Variants in CDH22 observed in about 807,000 individuals in gnomAD.
CDH22 encodes the protein cadherin-22.
Under a neutral mutation model 58.4 loss-of-function variants are expected in CDH22, and 30 were observed. The ratio of observed to expected loss-of-function variants is 0.51; its 90% CI spans 0.38 to 0.70. The LOEUF is 0.70. Among genes scored for constraint, CDH22 ranks in the 30% least tolerant of loss-of-function variants. The pLI, the probability that CDH22 is intolerant of heterozygous loss-of-function variation, is 0.00. For missense variants in CDH22, 1,014 were observed against 1,233.9 expected (o/e 0.82, Z 2.67); for synonymous variants, 513 against 558.2 (o/e 0.92, Z 1.14).
intron 6 of CDH22, 22 bp downstream of exon 6, chr20:46,212,973 A>C (rs767133017): frequency 6.2e-7 from 1 of 1,606,016 alleles, no homozygotes; most frequent in South Asian, 1.1e-5. Flanking sequence ...TGCCTCCCCC[A>C]TTCCTCCTGA....
rs1364607112 is a variant in CDH22 at position 46,210,191 on chromosome 20, A to C, written c.1286+116T>G. ...CTCTCCGCGCCTCCCTCCCCCACGC[A>C]GCCCCTTCCTTCGGCCCTGCCCGCC... On this transcript the variant is annotated intron_variant, in intron 7 of 11. Coordinates refer to ENST00000537909, the MANE Select transcript of CDH22 (RefSeq NM_021248.3). This position sits in a 1 kb window ranked among gnomAD's most constrained non-coding sequence, Gnocchi z 4.5. 3.6e-6 allele frequency: 4 copies of C among 1,098,198 alleles called. No homozygotes were observed. In the East Asian group the frequency reaches 1.3e-4, roughly 36 times the overall value. 68.0% of individuals were successfully genotyped at this position (1,098,198 alleles called of 1,614,324 possible).
chr20:46,290,889 TCAGAGAGC>T (rs2086598881), intron 1 of CDH22, among the ~76,000 whole-genome samples: 1 of 152,076 alleles, frequency 6.6e-6, no homozygotes. Context: ...GCATGGATAG[TCAGAGAGC>T]TGCAGAGAGA....
chr20:46,203,025 G>GCTC (rs1164214493), intron 7 of CDH22, among the ~76,000 whole-genome samples: 2 of 152,226 alleles, frequency 1.3e-5, no homozygotes, highest in African/African-American at 4.8e-5. Flanking sequence ...TGCTGCTGCT[G>GCTC]CTCCTCCTCC....
intron 3 of CDH22, among the ~76,000 whole-genome samples, chr20:46,228,102 G>A (rs886503989): frequency 4.6e-5 from 7 of 152,188 alleles, no homozygotes; most frequent in Non-Finnish European, 1.0e-4. Context: ...CAACCCAGGG[G>A]CCATTCTACC....
rs60827237 is a variant in CDH22, at chr20:46,227,672, G to C, written c.551-45C>G. 0.012 allele frequency: 19,545 copies of C among 1,570,932 alleles called. 795 individuals carry two copies. The African/African-American group carries it at 0.13, about 11-fold the overall frequency. On this transcript the variant is annotated intron_variant, in intron 3 of 11. Coordinates refer to ENST00000537909, the MANE Select transcript of CDH22 (RefSeq NM_021248.3). ...CGAGACAGGGGTCATCTGGGGCTGCGGAGCTCGTTCCCCCACTTCGCCTCA... is the reference window on the plus strand; with the variant it reads ...CGAGACAGGGGTCATCTGGGGCTGCCGAGCTCGTTCCCCCACTTCGCCTCA...
intron 3 of CDH22, among the ~76,000 whole-genome samples, chr20:46,227,837 T>C (rs1431392912): frequency 1.3e-5 from 2 of 152,290 alleles, no homozygotes; most frequent in East Asian, 3.9e-4. Flanking sequence ...AGTGTGACCA[T>C]GGAGTCAGAT....
chr20:46,206,226 G>C (rs2086001189), intron 7 of CDH22, among the ~76,000 whole-genome samples: 1 of 152,204 alleles, frequency 6.6e-6, no homozygotes. Context: ...GCCAAAGGCT[G>C]GATTCAGGAA....
At chr20:46,294,779 C>CAA (rs2145780018) in intron 1 of CDH22, among the ~76,000 whole-genome samples, 1 of 152,272 alleles carries the variant, frequency 6.6e-6, no homozygotes, top group Admixed American at 6.5e-5. Context: ...GGGAAGAGGA[C>CAA]AACTGAAAAA....
chr20:46,174,838 C>T lies in CDH22; in HGVS notation c.2155G>A (p.Gly719Ser). 7.4e-7 allele frequency: 1 copy of T among 1,356,602 alleles called. No homozygotes were observed. Among genetic ancestry groups the T allele is most frequent in the African/African-American group, 1.5e-5 (1 of 65,920 alleles). The allele number at this position is 1,356,602 out of a possible 1,614,324, so 84.0% of individuals were successfully genotyped here. A position where few individuals can be genotyped will look rare whatever the true frequency, so the allele number is the denominator to read the frequency against. The change falls in exon 12 of 12, where the codon GGC becomes AGC. Residue 719 changes from glycine (G) to serine (S), a missense_variant. This residue lies in a region of CDH22 where 208 missense variants were observed against 195.2 expected (regional missense o/e 1.07). Coordinates refer to ENST00000537909, the MANE Select transcript of CDH22 (RefSeq NM_021248.3). This position sits in a 1 kb window ranked among gnomAD's most constrained non-coding sequence, Gnocchi z 4.4. ...GAGGGSGGGA[G>S]SPPQAHLPSE... ...GGCAGGTGGGCCTGCGGGGGGCTGC[C>T]CGCGCCCCCGCCCGAGCCCCCGCCC...
At chr20:46,252,412 C>T (rs898961076) in intron 1 of CDH22, among the ~76,000 whole-genome samples, 1 of 152,204 alleles carries the variant, frequency 6.6e-6, no homozygotes, top group African/African-American at 2.4e-5. Context: ...CATCTTTCCT[C>T]CCCACTCTTG....
At chr20:46,285,752 T>C (rs1426721775) in intron 1 of CDH22, among the ~76,000 whole-genome samples, 1 of 152,188 alleles carries the variant, frequency 6.6e-6, no homozygotes, top group Non-Finnish European at 1.5e-5. Flanking sequence ...CAGACACCTT[T>C]TGTTTTCAAT....
At chr20:46,263,438 G>A (rs563482063) in intron 1 of CDH22, among the ~76,000 whole-genome samples, 1 of 152,080 alleles carries the variant, frequency 6.6e-6, no homozygotes, top group African/African-American at 2.4e-5. Flanking sequence ...GCGTGTGTGT[G>A]CATGTGTGTG....
chr20:46,288,740 C>A (rs1050981640), intron 1 of CDH22, among the ~76,000 whole-genome samples: 2 of 152,160 alleles, frequency 1.3e-5, no homozygotes, highest in African/African-American at 4.8e-5. Flanking sequence ...CTTCACACCC[C>A]ACATCCAATC....
chr20:46,241,058 G>T lies in CDH22; in HGVS notation c.455C>A (p.Ser152Ter), dbSNP rs745978636. The change falls in exon 3 of 12, where the codon TCG becomes TAG. Residue 152 changes from serine to a stop codon, truncating the protein, a stop_gained. Coordinates refer to ENST00000537909, the MANE Select transcript of CDH22 (RefSeq NM_021248.3). LOFTEE classifies it high-confidence loss of function. This position sits in a 1 kb window ranked among gnomAD's most constrained non-coding sequence, Gnocchi z 5.2. ...GTCCTGCACCTTGATGATGAACTCC[G>T]ACTCGGGCTCCAGTAGGCGGTTGGT... The part of the protein sequence containing the change: ...RATNRLLEPE[S>*]EFIIKVQDIN... 1 of 1,614,146 alleles carries T rather than the reference G, an allele frequency of 6.2e-7. No homozygotes were observed.
At chr20:46,214,368 GT>G (rs1454946347) in intron 5 of CDH22, among the ~76,000 whole-genome samples, 2 of 152,158 alleles carry the variant, frequency 1.3e-5, no homozygotes, top group African/African-American at 4.8e-5. Flanking sequence ...ACAGGTCTTG[GT>G]AACCCTTGCG....
rs181299065 is a variant in CDH22 at position 46,186,811 on chromosome 20, C to A, written c.1545+15G>T. ...TCCTGGAAGCAACGCCCAGTCCCCA[C>A]CCCCTCAGGGGTACCTGGCCTGGCT... On this transcript the variant is annotated intron_variant, in intron 9 of 11. Coordinates refer to ENST00000537909, the MANE Select transcript of CDH22 (RefSeq NM_021248.3). The A allele has an allele frequency of 1.3e-6, 2 of 1,597,716 alleles. No homozygotes were observed. Among genetic ancestry groups the A allele is most frequent in the Non-Finnish European group, 1.7e-6 (2 of 1,170,730 alleles).
chr20:46,190,093 A>C, intron 8 of CDH22, among the ~76,000 whole-genome samples: 1 of 152,232 alleles, frequency 6.6e-6, no homozygotes, highest in East Asian at 1.9e-4. Flanking sequence ...ATCATTTATA[A>C]GAATGGAAAA....
intron 7 of CDH22, among the ~76,000 whole-genome samples, chr20:46,202,129 C>T (rs2085965707): frequency 1.3e-5 from 2 of 152,114 alleles, no homozygotes; most frequent in African/African-American, 4.8e-5. Flanking sequence ...TTGTGTCATG[C>T]ACAAAGATAC....
chr20:46,269,924 A>T (rs2425829), intron 1 of CDH22, among the ~76,000 whole-genome samples: 60,940 of 151,960 alleles, frequency 0.4, 12,730 homozygotes, highest in Middle Eastern at 0.6. Flanking sequence ...TTCATCTCCA[A>T]ACCCCAGAGC....
Sources: allele counts gnomAD v4.1 joint callset (sites outside exome capture counted in the v4.1 genomes callset), GRCh38; gene constraint gnomAD v4.1.1; regional missense constraint gnomAD v4.1.1; non-coding constraint Gnocchi (gnomAD v3.1); transcripts MANE v1.5; gene names NCBI Gene and HGNC (gene_info 2026-07-23, HGNC 2026-07-21).